SPICE1: variants seen among roughly 807,000 people sequenced by gnomAD.
The protein encoded by SPICE1 is spindle and centriole-associated protein 1.
Under a neutral mutation model 102.7 loss-of-function variants are expected in SPICE1, and 75 were observed. The ratio of observed to expected loss-of-function variants is 0.73; its 90% CI spans 0.61 to 0.88. The LOEUF is 0.88. Ranked by LOEUF, SPICE1 falls within the 40% of genes least tolerant of loss-of-function variation. The pLI is 0.00. For missense variants in SPICE1, 979 were observed against 1,020.1 expected (o/e 0.96, Z 0.55); for synonymous variants, 308 against 350.3 (o/e 0.88, Z 1.35).
chr3:113,481,765 C>T (rs1410952718), intron 7 of SPICE1, among the ~76,000 whole-genome samples: 1 of 152,200 alleles, frequency 6.6e-6, no homozygotes, highest in Non-Finnish European at 1.5e-5. Context: ...TTTATGGCTG[C>T]ATAGTATTCC....
At chr3:113,474,191 G>A (rs866371105) in intron 7 of SPICE1, among the ~76,000 whole-genome samples, 3 of 151,600 alleles carry the variant, frequency 2.0e-5, no homozygotes, top group Non-Finnish European at 4.4e-5. Context: ...AGACAAAGAA[G>A]GCCATTACAT....
At chr3:113,467,107 T>C (rs1936076610) in intron 10 of SPICE1, among the ~76,000 whole-genome samples, 1 of 152,174 alleles carries the variant, frequency 6.6e-6, no homozygotes, top group Non-Finnish European at 1.5e-5. Context: ...AAAACATCTG[T>C]ATTAAGGTGG....
chr3:113,474,850 T>C (rs570696343), intron 7 of SPICE1, among the ~76,000 whole-genome samples: 2 of 151,848 alleles, frequency 1.3e-5, no homozygotes, highest in Admixed American at 1.3e-4. Flanking sequence ...AGATCCAAAA[T>C]TGACACCCTA....
chr3:113,454,207 C>T (rs1935728147), intron 13 of SPICE1, among the ~76,000 whole-genome samples: 1 of 152,042 alleles, frequency 6.6e-6, no homozygotes, highest in Non-Finnish European at 1.5e-5. Flanking sequence ...CACATTTTAA[C>T]GCATATATTA....
Position 113,468,417 on chromosome 3 carries a change from G to A in SPICE1, c.890-13C>T. The A allele has an allele frequency of 6.2e-7, 1 of 1,607,450 alleles. No homozygotes were observed. The highest frequency in any genetic ancestry group is 2.2e-5 in the East Asian group (1 of 44,714). On this transcript the variant is annotated splice_polypyrimidine_tract_variant and intron_variant, in intron 9 of 17. Transcript: ENST00000295872. The stretch of plus-strand genomic sequence containing the variant: ...GGTTTCCTTTTCACTGATAATGAGA[G>A]AAGTCATTCTATTTTAAGACCAGGA...
chr3:113,446,295 C>T (rs180815972), intron 17 of SPICE1, among the ~76,000 whole-genome samples: 10 of 151,926 alleles, frequency 6.6e-5, no homozygotes, highest in Admixed American at 5.2e-4. Context: ...TCAAGGCACA[C>T]CTGTGTGTCC....
At position 113,503,231 on chromosome 3, in the gene SPICE1, TAAAAAAAGGTGGCCTTTCTTTA is replaced by T. The variant is rs1937043121; in HGVS notation, c.100-26_100-5del. 1 of 1,564,582 alleles carries T rather than the reference TAAAAAAAGGTGGCCTTTCTTTA, an allele frequency of 6.4e-7. No homozygotes were observed. Among genetic ancestry groups the T allele is most frequent in the Non-Finnish European group, 8.6e-7 (1 of 1,162,706 alleles). On this transcript the variant is annotated splice_region_variant and splice_polypyrimidine_tract_variant and intron_variant, in intron 2 of 17. Coordinates refer to ENST00000295872, the MANE Select transcript of SPICE1 (RefSeq NM_144718.4). ...CGGTTAGATCAGTCACGGTATTCTGTAAAAAAAGGTGGCCTTTCTTTAAAAAAAAAAAAAAGTTTTCTTATAA... is the reference window on the plus strand; with the variant it reads ...CGGTTAGATCAGTCACGGTATTCTGTAAAAAAAAAAAAAGTTTTCTTATAA...
At chr3:113,450,225 G>A (rs767093933) in intron 15 of SPICE1, 111 bp downstream of exon 15, 22 of 1,233,980 alleles carry the variant, frequency 1.8e-5, no homozygotes, top group East Asian at 7.3e-5. Flanking sequence ...AAAATTGAAG[G>A]CACCAAAATA....
At chr3:113,506,401 C>A in intron 2 of SPICE1, 106 bp downstream of exon 2, 3 of 861,970 alleles carry the variant, frequency 3.5e-6, no homozygotes, top group Non-Finnish European at 5.6e-6. Context: ...CACCCTATTA[C>A]GTGATGAGCC....
intron 4 of SPICE1, among the ~76,000 whole-genome samples, chr3:113,498,516 A>G (rs1298214135): frequency 6.6e-6 from 1 of 152,218 alleles, no homozygotes; most frequent in East Asian, 1.9e-4. Context: ...CGACTTGTCC[A>G]AGATCACCAA....
intron 7 of SPICE1, among the ~76,000 whole-genome samples, chr3:113,472,777 C>G (rs116692964): frequency 0.012 from 1,857 of 152,236 alleles, 30 homozygotes; most frequent in African/African-American, 0.042. Flanking sequence ...ACATCAAAAA[C>G]CCATCTCTAC....
chr3:113,453,496 G>C lies in SPICE1; in HGVS notation c.2112C>G (p.Asn704Lys). 1 of 1,610,728 alleles carries C rather than the reference G, an allele frequency of 6.2e-7. No homozygotes were observed. The highest frequency in any genetic ancestry group is 8.5e-7 in the Non-Finnish European group (1 of 1,177,544). ...GEQGDGLREL[N>K]KQESASDMTS... The stretch of plus-strand genomic sequence containing the variant: ...TCATGTCACTTGCACTTTCTTGTTT[G>C]TTCAACTCCCGGAGTCCATCCCCTT... The change falls in exon 14 of 18, where the codon AAC becomes AAG. Residue 704 changes from asparagine to lysine, a missense_variant. Transcript: ENST00000295872.
chr3:113,454,431 G>A lies in SPICE1; in HGVS notation c.1658-481C>T, dbSNP rs187683620. On this transcript the variant is annotated intron_variant, in intron 13 of 17. Coordinates refer to ENST00000295872, the MANE Select transcript of SPICE1 (RefSeq NM_144718.4). ...AGAATCAAAATGGAGTCATTTGGCCGGGCGCGGTGGCTCACTCCTATAATA... is the reference window on the plus strand; with the variant it reads ...AGAATCAAAATGGAGTCATTTGGCCAGGCGCGGTGGCTCACTCCTATAATA... 9.0e-4 allele frequency among the ~76,000 whole-genome samples: 137 copies of A among 152,196 alleles called. 1 individual carries two copies. The highest frequency in any genetic ancestry group is 2.9e-3 in the African/African-American group (119 of 41,500).
chr3:113,465,001 G>A (rs546215753), intron 11 of SPICE1, among the ~76,000 whole-genome samples: 127 of 152,080 alleles, frequency 8.4e-4, no homozygotes, highest in African/African-American at 2.8e-3. Context: ...AGCGACTTGG[G>A]AGGCTAAGGT....
intron 2 of SPICE1, among the ~76,000 whole-genome samples, chr3:113,503,931 T>TA (rs34217669): frequency 0.05 from 4,726 of 95,442 alleles, 167 homozygotes; most frequent in African/African-American, 0.099. Context: ...AGTTTCTATC[T>TA]AAAAAAAAAA....
In SPICE1 at chr3:113,453,852, T is replaced by C. The variant is rs1402829683; in HGVS notation, c.1756A>G (p.Ile586Val). The C allele has an allele frequency of 3.7e-6, 6 of 1,614,224 alleles. No homozygotes were observed. The highest frequency in any genetic ancestry group is 4.5e-5 in the East Asian group (2 of 44,878). ...EQNWEEKTLP[I>V]DTDIQNSSEE... ...CTTGAATTCTGAATGTCTGTATCAA[T>C]AGGTAAGGTCTTCTCTTCCCAATTT... Residue 586 changes from isoleucine to valine, a missense_variant, in exon 14 of 18, where the codon ATT becomes GTT. Coordinates refer to ENST00000295872, the MANE Select transcript of SPICE1 (RefSeq NM_144718.4).
At chr3:113,498,304 G>A (rs1311099816) in intron 4 of SPICE1, among the ~76,000 whole-genome samples, 4 of 152,164 alleles carry the variant, frequency 2.6e-5, no homozygotes, top group Admixed American at 2.0e-4. Flanking sequence ...ATCACTCATC[G>A]TCTCTCACCA....
chr3:113,504,410 T>C (rs1027234732), intron 2 of SPICE1, among the ~76,000 whole-genome samples: 2 of 151,980 alleles, frequency 1.3e-5, no homozygotes, highest in Admixed American at 6.6e-5. Flanking sequence ...ATGAAAACTG[T>C]TATTACTTTT....
In SPICE1 at chr3:113,514,781, G is replaced by A. The variant is rs887038176; in HGVS notation, c.-1+116C>T. 38 of 1,286,484 alleles carry A rather than the reference G, an allele frequency of 3.0e-5. No individual in the cohort carries two copies. In the Middle Eastern group the frequency reaches 1.3e-3, roughly 43 times the overall value. 79.7% of individuals were successfully genotyped at this position (1,286,484 alleles called of 1,614,324 possible). ...GGTGAACTCCCCCAACGCTACAATC[G>A]AGCACCCCCAATTACCAGCTCTGTG... On this transcript the variant is annotated intron_variant, in intron 1 of 17. Transcript: ENST00000295872.
Sources: allele counts gnomAD v4.1 joint callset (sites outside exome capture counted in the v4.1 genomes callset), GRCh38; gene constraint gnomAD v4.1.1; transcripts MANE v1.5; gene names NCBI Gene and HGNC (gene_info 2026-07-23, HGNC 2026-07-21).